The following CAMK2B variants were observed in gnomAD, a reference collection of about 807,000 sequenced individuals.
The protein encoded by CAMK2B is calcium/calmodulin-dependent protein kinase type II subunit beta.
CAMK2B carries 27 observed loss-of-function variants against 93.7 expected under a neutral mutation model. The ratio of observed to expected loss-of-function variants is 0.29; its 90% CI spans 0.21 to 0.40. The LOEUF (loss-of-function observed/expected upper bound fraction) is 0.40, where lower values mean the gene tolerates loss of function less well. CAMK2B is among the 10% of genes least tolerant of loss of function. CAMK2B has a pLI of 1.00. For synonymous variants in CAMK2B, 374 were observed against 358.8 expected, an observed-to-expected ratio of 1.04 and a Z score of -0.48; for missense variants, 568 against 895.8, an observed-to-expected ratio of 0.63 and a Z score of 4.67.
intron 2 of CAMK2B, among the ~76,000 whole-genome samples, chr7:44,283,655 C>T (rs1389457085): frequency 1.3e-5 from 2 of 152,240 alleles, no homozygotes; most frequent in East Asian, 1.9e-4. Flanking sequence ...AGATGGCCAA[C>T]CGCAGCACTG....
rs1382844504 is a variant in CAMK2B, at chr7:44,220,230, T to C, written c.1833A>G (p.Gly611=). Residue 611 remains glycine, a synonymous_variant, in exon 23 of 24, where the codon GGA becomes GGG. Transcript: ENST00000395749. ...TGTAAGCGATGCAGGCGGCATCCTC[T>C]CCAATGACGTGCACGTGTGGGTTCA... ...TILNPHVHVI[G]EDAACIAYIR... 1 of 1,613,258 alleles carries C rather than the reference T, an allele frequency of 6.2e-7. No individual in the cohort carries two copies. Among genetic ancestry groups the C allele is most frequent in the Non-Finnish European group, 8.5e-7 (1 of 1,180,032 alleles).
At chr7:44,221,149 C>T (rs926296528) in intron 20 of CAMK2B, among the ~76,000 whole-genome samples, 27 of 152,232 alleles carry the variant, frequency 1.8e-4, no homozygotes, top group Non-Finnish European at 3.7e-4. Context: ...ATATTCTATC[C>T]ACATTACAAA....
chr7:44,217,807 G>A lies in CAMK2B; in HGVS notation c.*1718C>T, dbSNP rs1014095327. 2.6e-5 allele frequency: 4 copies of A among 152,162 alleles called. No individual in the cohort carries two copies. Among genetic ancestry groups the A allele is most frequent in the African/African-American group, 7.2e-5 (3 of 41,422 alleles). 9.4% of individuals were successfully genotyped at this position (152,162 alleles called of 1,614,324 possible). A position where few individuals can be genotyped will look rare whatever the true frequency, so the allele number is the denominator to read the frequency against. ...TGAATTGAAAGTGGGCAGGCACTGGGGCAGGAGCCCCTGACCCTCTGCAGT... is the reference window on the plus strand; with the variant it reads ...TGAATTGAAAGTGGGCAGGCACTGGAGCAGGAGCCCCTGACCCTCTGCAGT... On this transcript the variant is annotated 3_prime_UTR_variant, in exon 24 of 24. Coordinates refer to ENST00000395749, the MANE Select transcript of CAMK2B (RefSeq NM_001220.5).
At position 44,239,582 on chromosome 7, in the gene CAMK2B, C is replaced by T; in HGVS notation, c.1021+7G>A. 1 of 1,548,044 alleles carries T rather than the reference C, an allele frequency of 6.5e-7. No homozygotes were observed. Among genetic ancestry groups the T allele is most frequent in the Non-Finnish European group, 8.7e-7 (1 of 1,145,692 alleles). ...AGCGGGCGGGACGCTGGTCGAGACA[C>T]ATCTACCTTGTTCCACCAGCCCCAT... On this transcript the variant is annotated splice_region_variant and intron_variant, in intron 13 of 23. Coordinates refer to ENST00000395749, the MANE Select transcript of CAMK2B (RefSeq NM_001220.5).
chr7:44,245,526 C>T (rs1333525411), intron 6 of CAMK2B, among the ~76,000 whole-genome samples: 1 of 152,180 alleles, frequency 6.6e-6, no homozygotes, highest in Non-Finnish European at 1.5e-5. Context: ...ATCATGGGGT[C>T]TGGTAACACA....
Position 44,244,617 on chromosome 7 carries a change from C to A in CAMK2B, c.415-1090G>T, listed in dbSNP as rs115962796. On this transcript the variant is annotated intron_variant, in intron 6 of 23. Coordinates refer to ENST00000395749, the MANE Select transcript of CAMK2B (RefSeq NM_001220.5). The stretch of plus-strand genomic sequence containing the variant: ...ATCACACTGCCGCTTGATGAGCCGC[C>A]CAAAGAGACAAAACAGACCACTCCA... Among the ~76,000 whole-genome samples the A allele has an allele frequency of 3.7e-3, 556 of 152,112 alleles. 2 individuals carry two copies. Among genetic ancestry groups the A allele is most frequent in the African/African-American group, 0.013 (534 of 41,492 alleles).
chr7:44,240,012 C>T (rs534057977), intron 12 of CAMK2B, among the ~76,000 whole-genome samples: 4 of 152,266 alleles, frequency 2.6e-5, no homozygotes, highest in Non-Finnish European at 4.4e-5. Flanking sequence ...AACAGGATGG[C>T]GGGTGGGGGG....
chr7:44,278,755 C>A (rs1405344838), intron 2 of CAMK2B, among the ~76,000 whole-genome samples: 4 of 152,250 alleles, frequency 2.6e-5, no homozygotes, highest in African/African-American at 9.6e-5. Context: ...GGAGAGGGGA[C>A]ACCAAAGCAA....
At chr7:44,270,310 A>G (rs924928802) in intron 2 of CAMK2B, among the ~76,000 whole-genome samples, 2 of 152,182 alleles carry the variant, frequency 1.3e-5, no homozygotes, top group African/African-American at 4.8e-5. Context: ...CTGGCCTGGA[A>G]GCAGTGGCTG....
chr7:44,236,169 C>T (rs1218148404), intron 13 of CAMK2B, among the ~76,000 whole-genome samples: 1 of 152,222 alleles, frequency 6.6e-6, no homozygotes, highest in Non-Finnish European at 1.5e-5. Flanking sequence ...CCCCGCAGGG[C>T]ATAGACAGGC....
chr7:44,224,888 G>A lies in CAMK2B; in HGVS notation c.1597+1628C>T, dbSNP rs910282325. On this transcript the variant is annotated intron_variant, in intron 20 of 23. Transcript: ENST00000395749. This position sits in a 1 kb window ranked among gnomAD's most constrained non-coding sequence, Gnocchi z 4.4. ...CTGGCCACCTGCCACCTGGGCCCAG[G>A]TGCCCCCAGGGCAGTACCCAGACTC... 2.0e-5 allele frequency among the ~76,000 whole-genome samples: 3 copies of A among 151,990 alleles called. No individual in the cohort carries two copies. Among genetic ancestry groups the A allele is most frequent in the African/African-American group, 4.8e-5 (2 of 41,376 alleles).
At chr7:44,325,285 C>T in intron 1 of CAMK2B, 72 bp downstream of exon 1, 12 of 878,184 alleles carry the variant, frequency 1.4e-5, no homozygotes, top group Non-Finnish European at 1.5e-5. Flanking sequence ...CTGGAGCCGG[C>T]GGCGCGGAGG....
At chr7:44,310,209 T>C (rs1272750842) in intron 1 of CAMK2B, among the ~76,000 whole-genome samples, 2 of 152,254 alleles carry the variant, frequency 1.3e-5, no homozygotes, top group Non-Finnish European at 2.9e-5. Flanking sequence ...CTTCGAAAGT[T>C]TTATTCTCAA....
intron 1 of CAMK2B, among the ~76,000 whole-genome samples, chr7:44,293,361 CCTGGTGAGGTTCA>C (rs1317463068): frequency 6.6e-6 from 1 of 152,150 alleles, no homozygotes; most frequent in African/African-American, 2.4e-5. Flanking sequence ...CCCCATATGC[CCTGGTGAGGTTCA>C]CAGGTGAATG....
Position 44,247,138 on chromosome 7 carries a change from G to C in CAMK2B, c.396C>G (p.Val132=), listed in dbSNP as rs1453789479. ...EAVLHCHQMG[V]VHRDLKPENL... ...GACTCACCTTGAGGTCTCTGTGGAC[G>C]ACCCCCATTTGGTGACAATGGAGAA... Residue 132 remains valine, a synonymous_variant, in exon 6 of 24, where the codon GTC becomes GTG. Transcript: ENST00000395749. 3 of 1,613,964 alleles carry C rather than the reference G, an allele frequency of 1.9e-6. No individual in the cohort carries two copies. Among genetic ancestry groups the C allele is most frequent in the Admixed American group, 1.7e-5 (1 of 60,016 alleles).
intron 2 of CAMK2B, among the ~76,000 whole-genome samples, chr7:44,273,746 G>A (rs1001130313): frequency 1.3e-5 from 2 of 152,206 alleles, no homozygotes; most frequent in Admixed American, 6.5e-5. Flanking sequence ...GACCACTGTG[G>A]CCTTATGTCC....
At chr7:44,294,322 G>A (rs746231303) in intron 1 of CAMK2B, among the ~76,000 whole-genome samples, 19 of 152,168 alleles carry the variant, frequency 1.2e-4, no homozygotes, top group Non-Finnish European at 2.5e-4. Context: ...GCTGATGGGT[G>A]GCCTCAGAGG....
chr7:44,244,839 C>T (rs2096715059), intron 6 of CAMK2B: 1 of 432,450 alleles, frequency 2.3e-6, no homozygotes, highest in Non-Finnish European at 4.7e-6. Context: ...GGCCGTGTGC[C>T]CCCTTGACAA....
intron 1 of CAMK2B, among the ~76,000 whole-genome samples, chr7:44,290,051 A>C (rs985477495): frequency 6.6e-6 from 1 of 152,180 alleles, no homozygotes; most frequent in Admixed American, 6.5e-5. Context: ...GCATGCGCAC[A>C]CACACATGTG....
Sources: gnomAD v4.1 joint callset for allele counts (sites outside exome capture counted in the v4.1 genomes callset) on GRCh38, gnomAD v4.1.1 for gene constraint, Gnocchi (gnomAD v3.1) non-coding constraint, MANE v1.5 for transcripts, NCBI Gene and HGNC (gene_info 2026-07-23, HGNC 2026-07-21) for gene names.